The following AFG2A variants were observed in gnomAD, a reference collection of about 807,000 sequenced individuals.
AFG2A encodes ATPase family gene 2 protein homolog A.
the AFG2A span, among the ~76,000 whole-genome samples, chr4:123,190,375 A>G: frequency 6.6e-6 from 1 of 152,350 alleles, no homozygotes; most frequent in Non-Finnish European, 1.5e-5. Context: ...CCATCTCAGC[A>G]TTAATGATCA....
At chr4:123,123,324 C>T in the AFG2A span, among the ~76,000 whole-genome samples, 2 of 152,040 alleles carry the variant, frequency 1.3e-5, no homozygotes, top group African/African-American at 4.8e-5. Flanking sequence ...AAGTTCCTGC[C>T]TATTTAACTT....
the AFG2A span, among the ~76,000 whole-genome samples, chr4:123,052,382 C>G: frequency 6.6e-6 from 1 of 152,168 alleles, no homozygotes; most frequent in African/African-American, 2.4e-5. Flanking sequence ...ATTGAGCTCT[C>G]TTAAAACAGG....
the AFG2A span, among the ~76,000 whole-genome samples, chr4:122,963,523 G>A: frequency 6.6e-6 from 1 of 152,190 alleles, no homozygotes; most frequent in African/African-American, 2.4e-5. Flanking sequence ...GCTCTCTGAG[G>A]TTCTCTTTAT....
the AFG2A span, chr4:123,256,603 C>A: frequency 1.5e-6 from 1 of 678,252 alleles, no homozygotes; most frequent in South Asian, 6.7e-5. Flanking sequence ...ATTAGGATAT[C>A]ATGAGTATAA....
At chr4:123,198,339 A>G in the AFG2A span, among the ~76,000 whole-genome samples, 1 of 151,738 alleles carries the variant, frequency 6.6e-6, no homozygotes, top group Admixed American at 6.6e-5. Flanking sequence ...TCCCTACATC[A>G]TGTGTGTAGC....
chr4:123,163,057 T>A, the AFG2A span, among the ~76,000 whole-genome samples: 1 of 152,194 alleles, frequency 6.6e-6, no homozygotes, highest in Admixed American at 6.5e-5. Flanking sequence ...CTGACCTAGC[T>A]TTGAAGGCTA....
chr4:123,208,879 T>C, the AFG2A span, among the ~76,000 whole-genome samples: 3 of 152,184 alleles, frequency 2.0e-5, no homozygotes, highest in Non-Finnish European at 4.4e-5. Context: ...TCCTTAGAAT[T>C]TCCAAAGTAG....
chr4:123,131,570 T>C, the AFG2A span, among the ~76,000 whole-genome samples: 1 of 152,148 alleles, frequency 6.6e-6, no homozygotes, highest in Non-Finnish European at 1.5e-5. Context: ...CTCATATAAG[T>C]GGAATTGTGC....
At chr4:123,210,188 T>C in the AFG2A span, among the ~76,000 whole-genome samples, 3 of 152,376 alleles carry the variant, frequency 2.0e-5, no homozygotes, top group African/African-American at 4.8e-5. Context: ...CTACCTAATA[T>C]ATGTTTTACC....
the AFG2A span, among the ~76,000 whole-genome samples, chr4:123,030,104 CTTGTATATTCTACAA>C: frequency 6.6e-6 from 1 of 152,100 alleles, no homozygotes; most frequent in South Asian, 2.1e-4. Context: ...CTGTTCTTAC[CTTGTATATTCTACAA>C]TTGTATATTC....
the AFG2A span, among the ~76,000 whole-genome samples, chr4:123,302,640 A>G: frequency 6.6e-6 from 1 of 151,112 alleles, no homozygotes; most frequent in African/African-American, 2.4e-5. Context: ...TTGTCTGGGT[A>G]TGTCTGGGAA....
chr4:122,956,045 A>G, the AFG2A span, among the ~76,000 whole-genome samples: 2 of 152,226 alleles, frequency 1.3e-5, no homozygotes, highest in East Asian at 1.9e-4. Flanking sequence ...ATGCCTTACT[A>G]GAGACTTTTT....
the AFG2A span, among the ~76,000 whole-genome samples, chr4:122,976,112 G>A: frequency 6.6e-6 from 1 of 152,202 alleles, no homozygotes; most frequent in African/African-American, 2.4e-5. Context: ...TTGAGGTATA[G>A]TGTTTTGAAC....
the AFG2A span, chr4:122,979,393 C>A: frequency 1.2e-6 from 2 of 1,613,100 alleles, no homozygotes; most frequent in South Asian, 2.2e-5. Context: ...AAATGTAAGT[C>A]ATTTATGTCC....
the AFG2A span, among the ~76,000 whole-genome samples, chr4:123,209,011 G>A: frequency 1.3e-5 from 2 of 152,104 alleles, no homozygotes; most frequent in African/African-American, 4.8e-5. Flanking sequence ...AGGGGAGAGG[G>A]GCTAAAGATT....
At chr4:123,137,768 T>C in the AFG2A span, among the ~76,000 whole-genome samples, 3 of 152,322 alleles carry the variant, frequency 2.0e-5, no homozygotes, top group Non-Finnish European at 4.4e-5. Flanking sequence ...GTTTTCCTTT[T>C]TCTGCCTTCT....
the AFG2A span, among the ~76,000 whole-genome samples, chr4:123,190,284 A>T: frequency 6.6e-6 from 1 of 152,204 alleles, no homozygotes; most frequent in African/African-American, 2.4e-5. Context: ...ATCTCTGTTT[A>T]GGTAATAACA....
chr4:122,999,818 A>G, the AFG2A span, among the ~76,000 whole-genome samples: 1 of 151,946 alleles, frequency 6.6e-6, no homozygotes, highest in African/African-American at 2.4e-5. Context: ...TATGAACTTT[A>G]AAGTAGTTTT....
chr4:123,283,963 A>C, the AFG2A span, among the ~76,000 whole-genome samples: 1 of 151,960 alleles, frequency 6.6e-6, no homozygotes, highest in Non-Finnish European at 1.5e-5. Flanking sequence ...TCTTCCTATC[A>C]TCTCTTTCTC....
Sources: gnomAD v4.1 joint callset for allele counts (sites outside exome capture counted in the v4.1 genomes callset) on GRCh38, gnomAD v4.1.1 for gene constraint, MANE v1.5 for transcripts, NCBI Gene and HGNC (gene_info 2026-07-23, HGNC 2026-07-21) for gene names.